Variants in FBF1 observed in about 807,000 individuals in gnomAD.
FBF1 encodes fas-binding factor 1.
A neutral mutation model predicts 147.2 loss-of-function variants in FBF1; 119 were observed. The observed-to-expected ratio is 0.81, with a 90% CI of 0.70 to 0.94. The LOEUF is 0.94. Ranked by LOEUF, FBF1 falls within the 40% of genes least tolerant of loss-of-function variation. The pLI is 0.00. For missense variants in FBF1, 1,449 were observed against 1,500.8 expected, an observed-to-expected ratio of 0.97 and a Z score of 0.57; for synonymous variants, 601 against 609.0, an observed-to-expected ratio of 0.99 and a Z score of 0.19.
rs1462188217 is a variant in FBF1 at position 75,909,763 on chromosome 17, T to C, written c.*960A>G. 3 of 620,256 alleles carry C rather than the reference T, an allele frequency of 4.8e-6. No homozygotes were observed. The highest frequency in any genetic ancestry group is 5.8e-6 in the Non-Finnish European group (2 of 342,816). The allele number at this position is 620,256 out of a possible 1,614,324, so 38.4% of individuals were successfully genotyped here. A position where few individuals can be genotyped will look rare whatever the true frequency, so the allele number is the denominator to read the frequency against. On this transcript the variant is annotated 3_prime_UTR_variant, in exon 30 of 30. Coordinates refer to ENST00000636174, the MANE Select transcript of FBF1 (RefSeq NM_001319193.2). ...CCAATCTTATAGGCTGATCTTTTAA[T>C]AAGAACATCTGCCTGTTCTTTGGGA...
At chr17:75,929,944 G>GACCCC in intron 7 of FBF1, 53 bp downstream of exon 7, 1 of 685,612 alleles carries the variant, frequency 1.5e-6, no homozygotes, top group East Asian at 2.7e-5. Context: ...AAAATATCAT[G>GACCCC]ACCCCACCCC....
Position 75,923,376 on chromosome 17 carries a change from T to C in FBF1, c.1234A>G (p.Thr412Ala), listed in dbSNP as rs1246949268. 2 of 1,606,296 alleles carry C rather than the reference T, an allele frequency of 1.2e-6. No homozygotes were observed. The highest frequency in any genetic ancestry group is 2.2e-5 in the East Asian group (1 of 44,664). ...GLPPSRAKPP[T>A]EGAGSPAKAS... ...TTGGCAGGGGACCCTGCACCTTCAGTTGGTGGCTTTGCCCTGGAGGGGGGC... is the reference window on the plus strand; with the variant it reads ...TTGGCAGGGGACCCTGCACCTTCAGCTGGTGGCTTTGCCCTGGAGGGGGGC... The change falls in exon 14 of 30, where the codon ACT becomes GCT. Residue 412 changes from threonine to alanine, a missense_variant. Physicochemically the swap from Thr to Ala is moderately conservative, Grantham distance 58. Transcript: ENST00000636174. The surrounding 1 kb of genome is among the most constrained non-coding windows in gnomAD (Gnocchi z 4.1).
intron 23 of FBF1, among the ~76,000 whole-genome samples, chr17:75,915,881 G>A (rs1285991532): frequency 1.3e-5 from 2 of 151,800 alleles, no homozygotes; most frequent in Admixed American, 6.6e-5. Context: ...GGTGGCAGTT[G>A]CCTGTAATCC....
At chr17:75,914,618 G>T in intron 25 of FBF1, 129 bp downstream of exon 25, 2 of 1,010,704 alleles carry the variant, frequency 2.0e-6, no homozygotes, top group Non-Finnish European at 2.8e-6. Flanking sequence ...TGCGATTACT[G>T]TTTTAATCCC....
At chr17:75,939,120 AC>A (rs1206542368) in intron 1 of FBF1, among the ~76,000 whole-genome samples, 2 of 151,502 alleles carry the variant, frequency 1.3e-5, no homozygotes, top group African/African-American at 4.9e-5. Flanking sequence ...ACATGGTGAA[AC>A]CCCATTTCTA....
Position 75,926,401 on chromosome 17 carries a change from C to A in FBF1, c.621G>T (p.Gly207=). The change falls in exon 11 of 30, where the codon GGG becomes GGT. Residue 207 remains glycine, a synonymous_variant. Coordinates refer to ENST00000636174, the MANE Select transcript of FBF1 (RefSeq NM_001319193.2). ...CTTCTTTTTTTCGGATGGGGGTGTC[C>A]CCAGGAGTTAGAGGAATAGAGGGAC... ...DQGPSIPLTP[G]DTPIRKKEEL... The A allele has an allele frequency of 6.3e-7, 1 of 1,592,922 alleles. No homozygotes were observed. The highest frequency in any genetic ancestry group is 8.5e-7 in the Non-Finnish European group (1 of 1,169,980).
intron 1 of FBF1, 147 bp from the exon 2 acceptor site, chr17:75,938,379 G>A: frequency 1.6e-6 from 1 of 620,800 alleles, no homozygotes. Flanking sequence ...TGGCCAACAT[G>A]GTGAAACCCT....
intron 25 of FBF1, 182 bp from the exon 26 acceptor site, chr17:75,914,480 CTG>C (rs1377631422): frequency 5.1e-6 from 5 of 977,852 alleles, no homozygotes; most frequent in Admixed American, 3.0e-5. Context: ...AGCCACGTGA[CTG>C]TGGCAGGCTC....
chr17:75,914,272 G>C lies in FBF1; in HGVS notation c.2841C>G (p.Ala947=). ...AKEQAELKIR[A]SELRAEEKQL... ...GCTTCTCCTCGGCCCGGAGCTCGCT[G>C]GCCCTGATCTTCAGCTCAGCCTGCT... Residue 947 remains alanine, a synonymous_variant, in exon 26 of 30, where the codon GCC becomes GCG. Coordinates refer to ENST00000636174, the MANE Select transcript of FBF1 (RefSeq NM_001319193.2). The C allele has an allele frequency of 6.3e-7, 1 of 1,592,750 alleles. No individual in the cohort carries two copies. Among genetic ancestry groups the C allele is most frequent in the Non-Finnish European group, 8.5e-7 (1 of 1,173,636 alleles).
At position 75,917,977 on chromosome 17, in the gene FBF1, G is replaced by C; in HGVS notation, c.2340C>G (p.Ser780=). ...SRVEASHLTT[S]QERELGIRQR... is the part of the protein sequence containing the mutation. Reference sequence around the variant, plus strand: ...GCCGGATCCCCAGCTCCCGCTCCTGGGAGGTGGTGAGGTGCGAGGCCTCCA... The same window carrying C: ...GCCGGATCCCCAGCTCCCGCTCCTGCGAGGTGGTGAGGTGCGAGGCCTCCA... The change falls in exon 22 of 30, where the codon TCC becomes TCG. Residue 780 remains serine (S), a synonymous_variant. Coordinates refer to ENST00000636174, the MANE Select transcript of FBF1 (RefSeq NM_001319193.2). 6.2e-7 allele frequency: 1 copy of C among 1,610,326 alleles called. No homozygotes were observed.
chr17:75,935,719 T>C, intron 3 of FBF1, 46 bp from the exon 4 acceptor site: 2 of 1,518,350 alleles, frequency 1.3e-6, no homozygotes, highest in East Asian at 2.5e-5. Context: ...GAAAGAAGAG[T>C]GGCCCTTATA....
At position 75,910,536 on chromosome 17, in the gene FBF1, G is replaced by C. The variant is rs2065450638; in HGVS notation, c.*187C>G. On this transcript the variant is annotated 3_prime_UTR_variant, in exon 30 of 30. Transcript: ENST00000636174. This position sits in a 1 kb window ranked among gnomAD's most constrained non-coding sequence, Gnocchi z 4.1. Reference sequence around the variant, plus strand: ...AGATAGCCTACACCACAGAGCCCCAGAGGCAGGGGCTGCCCCGGGCTGGCA... The same window carrying C: ...AGATAGCCTACACCACAGAGCCCCACAGGCAGGGGCTGCCCCGGGCTGGCA... 1 of 590,750 alleles carries C rather than the reference G, an allele frequency of 1.7e-6. No individual in the cohort carries two copies. The highest frequency in any genetic ancestry group is 2.0e-5 in the South Asian group (1 of 49,846). The allele number at this position is 590,750 out of a possible 1,614,324, so 36.6% of individuals were successfully genotyped here. A position where few individuals can be genotyped will look rare whatever the true frequency, so the allele number is the denominator to read the frequency against.
rs1249238608 is a variant in FBF1 at position 75,918,753 on chromosome 17, A to C, written c.2139-484T>G. On this transcript the variant is annotated intron_variant, in intron 20 of 29. Coordinates refer to ENST00000636174, the MANE Select transcript of FBF1 (RefSeq NM_001319193.2). This position sits in a 1 kb window ranked among gnomAD's most constrained non-coding sequence, Gnocchi z 5.8. The stretch of plus-strand genomic sequence containing the variant: ...GCAATCTACCCACCTTGGCCTCCCA[A>C]AGCACTGGGATTACAGGTGTGAGCC... Among the ~76,000 whole-genome samples, 1 of 151,624 alleles carries C rather than the reference A, an allele frequency of 6.6e-6. No individual in the cohort carries two copies. The highest frequency in any genetic ancestry group is 2.4e-5 in the African/African-American group (1 of 41,236).
chr17:75,910,145 C>T lies in FBF1; in HGVS notation c.*578G>A. ...CAATGCTGGGAATAGGGTGGGGGCT[C>T]TGGGCAAGCCCAGGAGGAGGAGGGC... On this transcript the variant is annotated 3_prime_UTR_variant, in exon 30 of 30. Coordinates refer to ENST00000636174, the MANE Select transcript of FBF1 (RefSeq NM_001319193.2). The surrounding 1 kb of genome is among the most constrained non-coding windows in gnomAD (Gnocchi z 4.1). The T allele has an allele frequency of 2.3e-6, 1 of 440,270 alleles. No homozygotes were observed. The highest frequency in any genetic ancestry group is 2.8e-5 in the Admixed American group (1 of 35,466). The allele number at this position is 440,270 out of a possible 1,614,324, so 27.3% of individuals were successfully genotyped here.
In FBF1 at chr17:75,912,082, C is replaced by T; in HGVS notation, c.3363+110G>A. The T allele has an allele frequency of 2.8e-6, 3 of 1,062,868 alleles. No homozygotes were observed. In the South Asian group the frequency reaches 4.2e-5, roughly 15 times the overall value. The allele number at this position is 1,062,868 out of a possible 1,614,324, so 65.8% of individuals were successfully genotyped here. On this transcript the variant is annotated intron_variant, in intron 29 of 29. Coordinates refer to ENST00000636174, the MANE Select transcript of FBF1 (RefSeq NM_001319193.2). ...CTAAGCAAACTGCAGTTTTACTCCC[C>T]AGGAGCTGGGGTCACCCCTCCCCAG...
chr17:75,913,899 T>C lies in FBF1; in HGVS notation c.3129+14A>G. On this transcript the variant is annotated intron_variant, in intron 27 of 29. Coordinates refer to ENST00000636174, the MANE Select transcript of FBF1 (RefSeq NM_001319193.2). ...TGCCGGGGGCAGGGGCGCCATACAC[T>C]CAGGGAGCCTTGCCTGGTGCATGTG... 6.5e-7 allele frequency: 1 copy of C among 1,548,126 alleles called. No homozygotes were observed. The highest frequency in any genetic ancestry group is 8.7e-7 in the Non-Finnish European group (1 of 1,151,460).
At position 75,923,401 on chromosome 17, in the gene FBF1, C is replaced by T; in HGVS notation, c.1209G>A (p.Leu403=). ...TTGGTGGCTTTGCCCTGGAGGGGGG[C>T]AGCCCAGCTGGCGTGGAGTGCTGGC... The part of the protein sequence containing the change: ...PASQHSTPAG[L]PPSRAKPPTE... The change falls in exon 14 of 30, where the codon CTG becomes CTA. Residue 403 remains leucine, a synonymous_variant. Coordinates refer to ENST00000636174, the MANE Select transcript of FBF1 (RefSeq NM_001319193.2). This position sits in a 1 kb window ranked among gnomAD's most constrained non-coding sequence, Gnocchi z 4.1. The T allele has an allele frequency of 6.2e-7, 1 of 1,607,192 alleles. No homozygotes were observed.
At position 75,912,249 on chromosome 17, in the gene FBF1, G is replaced by T. The variant is rs1215850564; in HGVS notation, c.3306C>A (p.Asp1102Glu). Residue 1102 changes from aspartate to glutamate, a missense_variant, in exon 29 of 30, where the codon GAC (aspartate) becomes GAA (glutamate). Physicochemically the swap from Asp to Glu is conservative, Grantham distance 45. Coordinates refer to ENST00000636174, the MANE Select transcript of FBF1 (RefSeq NM_001319193.2). ...TGGCATGGAGGTGCAAGGGGCTGGG[G>T]TCCAGGCCAGTTGGCGGCTGGCTGC... ...RWCSQPPTGL[D>E]PSPLHLHARL... The T allele has an allele frequency of 3.7e-6, 6 of 1,611,326 alleles. No individual in the cohort carries two copies. Among genetic ancestry groups the T allele is most frequent in the Non-Finnish European group, 5.1e-6 (6 of 1,179,226 alleles).
In FBF1 at chr17:75,921,975, T is replaced by A; in HGVS notation, c.1496A>T (p.Glu499Val). 7 of 1,551,484 alleles carry A rather than the reference T, an allele frequency of 4.5e-6. No individual in the cohort carries two copies. The highest frequency in any genetic ancestry group is 4.4e-6 in the Non-Finnish European group (5 of 1,146,970). ...GACACCAGGCCTGACACACGGTCTT[T>A]CTCGTGCAGTTGTTCCAGAACTCCC... The part of the protein sequence containing the change: ...AGGSSGTTAR[E>V]RPCVRPGVSG... Residue 499 changes from glutamate (E) to valine (V), a missense_variant, in exon 15 of 30, where the codon GAA (glutamate) becomes GTA (valine). Physicochemically the swap from Glu to Val is moderately radical, Grantham distance 121. Coordinates refer to ENST00000636174, the MANE Select transcript of FBF1 (RefSeq NM_001319193.2).
Sources: gnomAD v4.1 joint callset for allele counts (sites outside exome capture counted in the v4.1 genomes callset) on GRCh38, gnomAD v4.1.1 for gene constraint, Gnocchi (gnomAD v3.1) non-coding constraint, MANE v1.5 for transcripts, NCBI Gene and HGNC (gene_info 2026-07-23, HGNC 2026-07-21) for gene names.